LRP1: variants seen among roughly 807,000 people sequenced by gnomAD.
LRP1 encodes the protein LDL receptor related protein 1.
In LRP1, 51 loss-of-function variants were observed where a neutral mutation model predicts 541.5. The ratio of observed to expected loss-of-function variants is 0.09; its 90% CI spans 0.08 to 0.12. The LOEUF (loss-of-function observed/expected upper bound fraction) is 0.12. LRP1 is among the 10% of genes least tolerant of loss of function. LRP1 has a pLI of 1.00. For synonymous variants in LRP1, 2,219 were observed against 2,470.8 expected (o/e 0.90, Z 3.02); for missense variants, 3,878 against 6,376.2 (o/e 0.61, Z 13.34).
intron 6 of LRP1, among the ~76,000 whole-genome samples, chr12:57,147,169 T>G (rs951728284): frequency 5.9e-5 from 9 of 151,630 alleles, no homozygotes; most frequent in African/African-American, 2.2e-4. Context: ...GGGGAAATGC[T>G]TGTGGGGTAA....
Position 57,203,491 on chromosome 12 carries a change from G to A in LRP1, c.10921G>A (p.Gly3641Ser), listed in dbSNP as rs906119655. 18 of 1,563,414 alleles carry A rather than the reference G, an allele frequency of 1.2e-5. No individual in the cohort carries two copies. The highest frequency in any genetic ancestry group is 2.4e-5 in the East Asian group (1 of 41,934). Residue 3641 changes from glycine (G) to serine (S), a missense_variant, in exon 70 of 89, where the codon GGC becomes AGC. Around this residue, in one of 13 missense-constraint regions of LRP1, gnomAD observed 278 missense variants for 536.3 expected, o/e 0.52. Transcript: ENST00000243077. ...RCDADADCMD[G>S]SDEEACGTGV... ...TGACGCAGACGCCGACTGCATGGAC[G>A]GCAGCGACGAGGAGGCCTGCGGCAC...
chr12:57,183,611 T>C lies in LRP1; in HGVS notation c.5794+101T>C. On this transcript the variant is annotated intron_variant, in intron 35 of 88. Transcript: ENST00000243077. This position sits in a 1 kb window ranked among gnomAD's most constrained non-coding sequence, Gnocchi z 6.1. ...CAGTGAGAGGCTGCCTGAATTGGCCTGAGGTGGGGCACTTGCTACAGCTGC... is the reference window on the plus strand; with the variant it reads ...CAGTGAGAGGCTGCCTGAATTGGCCCGAGGTGGGGCACTTGCTACAGCTGC... 6.6e-7 allele frequency: 1 copy of C among 1,509,882 alleles called. No individual in the cohort carries two copies. The highest frequency in any genetic ancestry group is 8.9e-7 in the Non-Finnish European group (1 of 1,120,848). The allele number at this position is 1,509,882 out of a possible 1,614,324, so 93.5% of individuals were successfully genotyped here.
At chr12:57,135,204 G>C (rs1335763747) in intron 1 of LRP1, among the ~76,000 whole-genome samples, 1 of 152,210 alleles carries the variant, frequency 6.6e-6, no homozygotes, top group African/African-American at 2.4e-5. Context: ...AGGTGAAAAA[G>C]GTTAGCTCCC....
Position 57,205,002 on chromosome 12 carries a change from G to C in LRP1, c.11195-107G>C. 1.3e-6 allele frequency: 2 copies of C among 1,492,292 alleles called. No individual in the cohort carries two copies. Among genetic ancestry groups the C allele is most frequent in the Admixed American group, 2.1e-5 (1 of 47,572 alleles). The allele number at this position is 1,492,292 out of a possible 1,614,324, so 92.4% of individuals were successfully genotyped here. ...CCCAAATGTTTGACCTGCTCCCCCT[G>C]CAAGCCTTGTCACTTAGGAATTGGG... is the stretch of plus-strand genomic sequence containing the variant. On this transcript the variant is annotated intron_variant, in intron 72 of 88. Transcript: ENST00000243077. The surrounding 1 kb of genome is among the most constrained non-coding windows in gnomAD (Gnocchi z 4.6).
chr12:57,154,925 T>G lies in LRP1; in HGVS notation c.1227+224T>G. 1 of 605,276 alleles carries G rather than the reference T, an allele frequency of 1.7e-6. No individual in the cohort carries two copies. The highest frequency in any genetic ancestry group is 2.9e-6 in the Non-Finnish European group (1 of 339,266). The allele number at this position is 605,276 out of a possible 1,614,324, so 37.5% of individuals were successfully genotyped here. A position where few individuals can be genotyped will look rare whatever the true frequency, so the allele number is the denominator to read the frequency against. On this transcript the variant is annotated intron_variant, in intron 8 of 88. Coordinates refer to ENST00000243077, the MANE Select transcript of LRP1 (RefSeq NM_002332.3). The surrounding 1 kb of genome is among the most constrained non-coding windows in gnomAD (Gnocchi z 4.6). ...GTCATTTTAGAAACACCACTTCTGT[T>G]TACTTCCTGTTTCTCATTTGACCCT...
rs1466680137 is a variant in LRP1 at position 57,201,091 on chromosome 12, C to T, written c.10283C>T (p.Pro3428Leu). The change falls in exon 65 of 89, where the codon CCC becomes CTC. Residue 3428 changes from proline (P) to leucine (L), a missense_variant. Coordinates refer to ENST00000243077, the MANE Select transcript of LRP1 (RefSeq NM_002332.3). This position sits in a 1 kb window ranked among gnomAD's most constrained non-coding sequence, Gnocchi z 6.4. ...TGCACCAACACCAACCGCTGTATTC[C>T]CGGCATCTTCCGCTGCAATGGGCAG... ...FKCTNTNRCI[P>L]GIFRCNGQDN... 1 of 1,613,858 alleles carries T rather than the reference C, an allele frequency of 6.2e-7. No homozygotes were observed. Among genetic ancestry groups the T allele is most frequent in the Non-Finnish European group, 8.5e-7 (1 of 1,179,976 alleles).
intron 1 of LRP1, among the ~76,000 whole-genome samples, chr12:57,129,440 T>G (rs566098071): frequency 2.2e-4 from 32 of 148,264 alleles, no homozygotes; most frequent in African/African-American, 6.8e-4. Context: ...GGGGTGGGGG[T>G]GGGGGGGGTG....
At position 57,212,279 on chromosome 12, in the gene LRP1, C is replaced by A; in HGVS notation, c.13494+18C>A. 8 of 1,612,182 alleles carry A rather than the reference C, an allele frequency of 5.0e-6. No individual in the cohort carries two copies. The highest frequency in any genetic ancestry group is 6.8e-6 in the Non-Finnish European group (8 of 1,178,944). On this transcript the variant is annotated intron_variant, in intron 88 of 88. Transcript: ENST00000243077. The surrounding 1 kb of genome is among the most constrained non-coding windows in gnomAD (Gnocchi z 5.0). ...CTGACAAGGTGGGCTGGGAGGCGGG[C>A]AGGGTCGAGTGCCAAGAGGCCGTGG...
intron 19 of LRP1, among the ~76,000 whole-genome samples, chr12:57,167,948 C>T (rs1335299096): frequency 6.6e-6 from 1 of 152,234 alleles, no homozygotes; most frequent in East Asian, 1.9e-4. Flanking sequence ...AGCCATGGAC[C>T]AGGTGATGTC....
chr12:57,213,340 T>TAAAAAAAAAAAAAAAAAAAAAAAAAA (rs36120382), exon 89 of LRP1: 1 of 95,616 alleles, frequency 1.0e-5, no homozygotes, highest in Non-Finnish European at 1.9e-5. Context: ...AATAAAATTG[T>TAAAAAAAAAAAAAAAAAAAAAAAAAA]AAAAAAAAAA....
In LRP1 at chr12:57,156,464, C is replaced by A. The variant is rs1245031745; in HGVS notation, c.1417+181C>A. Among the ~76,000 whole-genome samples the A allele has an allele frequency of 2.6e-5, 4 of 152,216 alleles. No homozygotes were observed. The highest frequency in any genetic ancestry group is 5.9e-5 in the Non-Finnish European group (4 of 68,030). On this transcript the variant is annotated intron_variant, in intron 9 of 88. Coordinates refer to ENST00000243077, the MANE Select transcript of LRP1 (RefSeq NM_002332.3). This position sits in a 1 kb window ranked among gnomAD's most constrained non-coding sequence, Gnocchi z 5.2. ...CTGGCCCCTCAGCTTCCCCTGCCAG[C>A]CCCCATCCACCCACTCAGCCTCCAG...
Position 57,201,555 on chromosome 12 carries a change from C to T in LRP1, c.10404C>T (p.Pro3468=), listed in dbSNP as rs1239386125. ...FQCSITKRCI[P]RVWVCDRDND... ...GCTCCATTACCAAACGGTGCATCCC[C>T]CGGGTCTGGGTCTGCGACCGGGACA... The change falls in exon 66 of 89, where the codon CCC becomes CCT. Residue 3468 remains proline (P), a synonymous_variant. Coordinates refer to ENST00000243077, the MANE Select transcript of LRP1 (RefSeq NM_002332.3). This position sits in a 1 kb window ranked among gnomAD's most constrained non-coding sequence, Gnocchi z 6.4. 1 of 1,614,100 alleles carries T rather than the reference C, an allele frequency of 6.2e-7. No individual in the cohort carries two copies. Among genetic ancestry groups the T allele is most frequent in the African/African-American group, 1.3e-5 (1 of 75,030 alleles).
At chr12:57,187,199 C>A in intron 41 of LRP1, 68 bp from the exon 42 acceptor site, 1 of 1,510,476 alleles carries the variant, frequency 6.6e-7, no homozygotes. Context: ...CCAGGCTGTC[C>A]CCCACGGCTC....
chr12:57,183,540 G>T lies in LRP1; in HGVS notation c.5794+30G>T. The stretch of plus-strand genomic sequence containing the variant: ...GCCATTTGGTGGCAGAGGGAGTTGG[G>T]CGTGGCGTAGGAGCTTTAGGGGTGG... On this transcript the variant is annotated intron_variant, in intron 35 of 88. Coordinates refer to ENST00000243077, the MANE Select transcript of LRP1 (RefSeq NM_002332.3). This position sits in a 1 kb window ranked among gnomAD's most constrained non-coding sequence, Gnocchi z 6.1. 6.2e-7 allele frequency: 1 copy of T among 1,604,988 alleles called. No individual in the cohort carries two copies. The highest frequency in any genetic ancestry group is 8.5e-7 in the Non-Finnish European group (1 of 1,174,494).
intron 1 of LRP1, among the ~76,000 whole-genome samples, chr12:57,134,817 T>G (rs1172615399): frequency 1.3e-5 from 2 of 152,210 alleles, no homozygotes; most frequent in Non-Finnish European, 2.9e-5. Flanking sequence ...GCCATTCTCC[T>G]GCCTCAGCCT....
intron 6 of LRP1, among the ~76,000 whole-genome samples, chr12:57,153,222 A>G (rs570154520): frequency 6.6e-6 from 1 of 152,190 alleles, no homozygotes; most frequent in South Asian, 2.1e-4. Context: ...TAGTGAGTAG[A>G]TGGAAGGAAG....
chr12:57,160,820 A>G, intron 12 of LRP1, 73 bp from the exon 13 acceptor site: 1 of 1,173,550 alleles, frequency 8.5e-7, no homozygotes, highest in Non-Finnish European at 1.3e-6. Context: ...GACAGCACTC[A>G]TGGATTGGGA....
rs772253361 is a variant in LRP1, at chr12:57,197,256, G to A, written c.9077-43G>A. 45 of 1,612,346 alleles carry A rather than the reference G, an allele frequency of 2.8e-5. No individual in the cohort carries two copies. Among genetic ancestry groups the A allele is most frequent in the Middle Eastern group, 1.7e-4 (1 of 6,060 alleles). On this transcript the variant is annotated intron_variant, in intron 56 of 88. Transcript: ENST00000243077. The surrounding 1 kb of genome is among the most constrained non-coding windows in gnomAD (Gnocchi z 4.5). ...TCCAGACAGGCAGGAGACCAGGGCC[G>A]CTAGAATGTGCCAGGAGCTGAGGCA...
chr12:57,200,422 T>G lies in LRP1; in HGVS notation c.10015-20T>G. ...CCCCCAGACCCCCACCAACCCCTCT[T>G]GCCCCCACCTGCCCTCCAGTTTGTA... On this transcript the variant is annotated intron_variant, in intron 62 of 88. Transcript: ENST00000243077. 6.9e-7 allele frequency: 1 copy of G among 1,452,684 alleles called. No homozygotes were observed. Among genetic ancestry groups the G allele is most frequent in the Non-Finnish European group, 9.7e-7 (1 of 1,034,106 alleles). 90.0% of individuals were successfully genotyped at this position (1,452,684 alleles called of 1,614,324 possible).
Sources: gnomAD v4.1 joint callset for allele counts (sites outside exome capture counted in the v4.1 genomes callset) on GRCh38, gnomAD v4.1.1 for gene constraint, gnomAD v4.1.1 regional missense constraint, Gnocchi (gnomAD v3.1) non-coding constraint, MANE v1.5 for transcripts, NCBI Gene and HGNC (gene_info 2026-07-23, HGNC 2026-07-21) for gene names.